The following CRIM1 variants were observed in gnomAD, a reference collection of about 807,000 sequenced individuals.
CRIM1 encodes cysteine-rich motor neuron 1 protein.
CRIM1 carries 32 observed loss-of-function variants against 116.4 expected under a neutral mutation model. The ratio of observed to expected loss-of-function variants is 0.27; its 90% confidence interval spans 0.21 to 0.37. The LOEUF (loss-of-function observed/expected upper bound fraction) is 0.37, where lower values mean the gene tolerates loss of function less well. Ranked by LOEUF, CRIM1 falls within the 10% of genes least tolerant of loss-of-function variation. The pLI, the probability that CRIM1 is intolerant of heterozygous loss-of-function variation, is 1.00. For synonymous variants in CRIM1, 590 were observed against 509.2 expected (o/e 1.16, Z -2.13); for missense variants, 1,331 against 1,354.8 (o/e 0.98, Z 0.28).
Position 36,517,343 on chromosome 2 carries a change from G to T in CRIM1, c.2007G>T (p.Gln669His). Residue 669 changes from glutamine to histidine, a missense_variant, in exon 12 of 17, where the codon CAG (glutamine) becomes CAT (histidine). Around this residue, in one of 3 missense-constraint regions of CRIM1, gnomAD observed 358 missense variants for 436.1 expected, o/e 0.82. Transcript: ENST00000280527. ...ATTTCCCAGATGACTTTGTGGTGCA[G>T]AAGCCAGAGCTCAGTACTCCCTCCA... ...CPSCADDFVV[Q>H]KPELSTPSIC... is the part of the protein sequence containing the mutation. 1 of 1,614,136 alleles carries T rather than the reference G, an allele frequency of 6.2e-7. No homozygotes were observed. Among genetic ancestry groups the T allele is most frequent in the Non-Finnish European group, 8.5e-7 (1 of 1,179,972 alleles).
At chr2:36,481,161 A>G (rs961837601) in intron 7 of CRIM1, among the ~76,000 whole-genome samples, 2 of 152,240 alleles carry the variant, frequency 1.3e-5, no homozygotes, top group African/African-American at 4.8e-5. Flanking sequence ...AAACTTGTTG[A>G]ATAAAAGAGC....
intron 7 of CRIM1, among the ~76,000 whole-genome samples, chr2:36,484,428 A>C (rs1398048537): frequency 6.6e-6 from 1 of 152,160 alleles, no homozygotes; most frequent in African/African-American, 2.4e-5. Flanking sequence ...TCCATTAGAA[A>C]TCTATTTTGT....
chr2:36,396,864 C>T lies in CRIM1; in HGVS notation c.505+77C>T, dbSNP rs527872875. On this transcript the variant is annotated intron_variant, in intron 2 of 16. Coordinates refer to ENST00000280527, the MANE Select transcript of CRIM1 (RefSeq NM_016441.3). ...ACCCTGAGTAGTAATAGTATTTGAGCTTGAAAAGGCAAAGACAAGTTTACA... is the reference window on the plus strand; with the variant it reads ...ACCCTGAGTAGTAATAGTATTTGAGTTTGAAAAGGCAAAGACAAGTTTACA... 1.1e-4 allele frequency: 134 copies of T among 1,248,308 alleles called. No individual in the cohort carries two copies. In the East Asian group the frequency reaches 2.3e-3, roughly 21 times the overall value. The allele number at this position is 1,248,308 out of a possible 1,614,324, so 77.3% of individuals were successfully genotyped here. A position where few individuals can be genotyped will look rare whatever the true frequency, so the allele number is the denominator to read the frequency against.
intron 12 of CRIM1, among the ~76,000 whole-genome samples, chr2:36,519,779 C>T (rs1401733168): frequency 1.3e-5 from 2 of 152,174 alleles, no homozygotes; most frequent in South Asian, 2.1e-4. Context: ...AAAGATTGCA[C>T]ATCACTGCAA....
chr2:36,382,411 T>C (rs1036092174), intron 1 of CRIM1, among the ~76,000 whole-genome samples: 3 of 152,228 alleles, frequency 2.0e-5, no homozygotes, highest in African/African-American at 7.2e-5. Context: ...GCTGAGTAAA[T>C]TAACTTCTGT....
chr2:36,504,577 C>G (rs935705450), intron 8 of CRIM1, among the ~76,000 whole-genome samples: 2 of 152,146 alleles, frequency 1.3e-5, no homozygotes, highest in African/African-American at 4.8e-5. Context: ...CCAGGACATA[C>G]AGAAAGTTTA....
At chr2:36,413,831 A>T (rs1042338221) in intron 2 of CRIM1, among the ~76,000 whole-genome samples, 1 of 152,222 alleles carries the variant, frequency 6.6e-6, no homozygotes, top group Non-Finnish European at 1.5e-5. Flanking sequence ...AAGTGTATGT[A>T]TTTGGATGGG....
At chr2:36,363,024 C>T (rs944268100) in intron 1 of CRIM1, among the ~76,000 whole-genome samples, 1 of 151,854 alleles carries the variant, frequency 6.6e-6, no homozygotes, top group Non-Finnish European at 1.5e-5. Context: ...ATGGTGAAAC[C>T]TTGTCTCTAC....
At chr2:36,531,776 C>T in intron 13 of CRIM1, 1 of 386,840 alleles carries the variant, frequency 2.6e-6, no homozygotes, top group South Asian at 2.0e-5. Context: ...AGGAGGGAAC[C>T]CACACTGAAT....
rs562076160 is a variant in CRIM1, at chr2:36,538,405, T to C, written c.2623+859T>C. ...AGTGAAGGCTCACTCTAAGATCTCATTGAGGTCCTCAGCGAGTCAGGAGCT... is the reference window on the plus strand; with the variant it reads ...AGTGAAGGCTCACTCTAAGATCTCACTGAGGTCCTCAGCGAGTCAGGAGCT... On this transcript the variant is annotated intron_variant, in intron 14 of 16. Transcript: ENST00000280527. Among the ~76,000 whole-genome samples the C allele has an allele frequency of 3.8e-3, 575 of 149,500 alleles. 3 individuals carry two copies. The highest frequency in any genetic ancestry group is 0.014 in the African/African-American group (554 of 39,910).
intron 6 of CRIM1, among the ~76,000 whole-genome samples, chr2:36,477,867 C>T (rs530256589): frequency 1.3e-5 from 2 of 152,316 alleles, no homozygotes; most frequent in South Asian, 4.1e-4. Context: ...TGTAAAGTCA[C>T]TTTACACTGC....
chr2:36,362,420 C>CAG lies in CRIM1; in HGVS notation c.331+5798_331+5799dup, dbSNP rs148103522. Among the ~76,000 whole-genome samples, 359 of 152,256 alleles carry CAG rather than the reference C, an allele frequency of 2.4e-3. 3 individuals are homozygous for CAG. Among genetic ancestry groups the CAG allele is most frequent in the African/African-American group, 8.3e-3 (343 of 41,548 alleles). ...TCCTTAGAGCCTGTGCAATTGGTCT[C>CAG]AGTGTTTCTCAACATCTAAGAATGA... is the stretch of plus-strand genomic sequence containing the variant. On this transcript the variant is annotated intron_variant, in intron 1 of 16. Transcript: ENST00000280527.
chr2:36,432,796 A>AC (rs1674994770), intron 2 of CRIM1, among the ~76,000 whole-genome samples: 1 of 151,954 alleles, frequency 6.6e-6, no homozygotes, highest in Non-Finnish European at 1.5e-5. Context: ...ACTGTAAAAA[A>AC]AAATATATAC....
intron 2 of CRIM1, among the ~76,000 whole-genome samples, chr2:36,439,104 T>G (rs1675569267): frequency 6.6e-6 from 1 of 152,168 alleles, no homozygotes; most frequent in South Asian, 2.1e-4. Context: ...ATGTTTCCCC[T>G]GAGTGAGGCA....
chr2:36,550,950 T>TTTTAC lies in CRIM1; in HGVS notation c.*2253_*2257dup, dbSNP rs770424835. ...ATCCTGAGTGCTGTATCTATTACTC[T>TTTTAC]TTTACTTTGGTTCCTGTTGTGCTCT... On this transcript the variant is annotated 3_prime_UTR_variant, in exon 17 of 17. Transcript: ENST00000280527. 6.6e-6 allele frequency: 1 copy of TTTTAC among 152,654 alleles called. No homozygotes were observed. The highest frequency in any genetic ancestry group is 1.5e-5 in the Non-Finnish European group (1 of 68,028). The allele number at this position is 152,654 out of a possible 1,614,324, so 9.5% of individuals were successfully genotyped here.
At chr2:36,460,172 TA>T (rs1319196530) in intron 4 of CRIM1, among the ~76,000 whole-genome samples, 2 of 152,218 alleles carry the variant, frequency 1.3e-5, no homozygotes, top group African/African-American at 4.8e-5. Flanking sequence ...AAAAATTTAT[TA>T]ATGTGGTACC....
At chr2:36,364,229 C>A (rs923516494) in intron 1 of CRIM1, among the ~76,000 whole-genome samples, 1 of 152,174 alleles carries the variant, frequency 6.6e-6, no homozygotes, top group Non-Finnish European at 1.5e-5. Context: ...CTGGCTGATG[C>A]CAGTGTCACA....
At chr2:36,399,372 T>G (rs756240706) in intron 2 of CRIM1, among the ~76,000 whole-genome samples, 2 of 152,202 alleles carry the variant, frequency 1.3e-5, no homozygotes, top group Non-Finnish European at 2.9e-5. Context: ...TTCAGCTGTT[T>G]AGATGTGTTA....
intron 13 of CRIM1, among the ~76,000 whole-genome samples, chr2:36,529,829 T>TTA (rs1665994697): frequency 6.6e-6 from 1 of 152,168 alleles, no homozygotes; most frequent in South Asian, 2.1e-4. Flanking sequence ...ATAGGCTCTT[T>TTA]TAACCTTTAT....
Sources: gnomAD v4.1 joint callset for allele counts (sites outside exome capture counted in the v4.1 genomes callset) on GRCh38, gnomAD v4.1.1 for gene constraint, gnomAD v4.1.1 regional missense constraint, MANE v1.5 for transcripts, NCBI Gene and HGNC (gene_info 2026-07-23, HGNC 2026-07-21) for gene names.